The following PDZRN4 variants were observed in gnomAD, a reference collection of about 807,000 sequenced individuals.
PDZRN4 encodes PDZ domain containing ring finger 4, also known as PDZ domain-containing RING finger protein 4.
A neutral mutation model predicts 99.0 loss-of-function variants in PDZRN4; 70 were observed. The ratio of observed to expected loss-of-function variants is 0.71; its 90% CI spans 0.58 to 0.86. The LOEUF is 0.86. Among genes scored for constraint, PDZRN4 ranks in the 40% least tolerant of loss-of-function variants. The pLI is 0.00. For missense variants in PDZRN4, 1,474 were observed against 1,331.2 expected (o/e 1.11, Z -1.67); for synonymous variants, 551 against 501.6 (o/e 1.10, Z -1.32).
chr12:41,216,640 G>A (rs1207572463), intron 3 of PDZRN4, among the ~76,000 whole-genome samples: 2 of 151,876 alleles, frequency 1.3e-5, no homozygotes, highest in African/African-American at 4.8e-5. Context: ...TTTTTGAATT[G>A]GATTATTTTA....
At chr12:41,499,035 G>A (rs1054675403) in intron 3 of PDZRN4, among the ~76,000 whole-genome samples, 1 of 152,022 alleles carries the variant, frequency 6.6e-6, no homozygotes, top group African/African-American at 2.4e-5. Context: ...AAACGCATGA[G>A]CAGAGTTAAC....
chr12:41,221,664 C>T (rs1319922943), intron 3 of PDZRN4, among the ~76,000 whole-genome samples: 1 of 152,016 alleles, frequency 6.6e-6, no homozygotes, highest in African/African-American at 2.4e-5. Flanking sequence ...AAGCCAACTG[C>T]TTCTAGATCG....
intron 3 of PDZRN4, among the ~76,000 whole-genome samples, chr12:41,295,887 C>T (rs1048967885): frequency 2.0e-5 from 3 of 152,002 alleles, no homozygotes; most frequent in Non-Finnish European, 2.9e-5. Flanking sequence ...AATAAATCAG[C>T]AGTTTACAAA....
At chr12:41,471,469 T>C (rs981284841) in intron 3 of PDZRN4, among the ~76,000 whole-genome samples, 3 of 151,478 alleles carry the variant, frequency 2.0e-5, no homozygotes, top group Non-Finnish European at 4.4e-5. Context: ...GATGATTCTA[T>C]CTATTGGTTT....
intron 7 of PDZRN4, among the ~76,000 whole-genome samples, chr12:41,559,726 C>T (rs1333673775): frequency 2.6e-5 from 4 of 152,028 alleles, no homozygotes; most frequent in South Asian, 4.2e-4. Flanking sequence ...TAACTATGTC[C>T]CCACCCAAAT....
At chr12:41,528,733 A>T (rs780688896) in intron 5 of PDZRN4, among the ~76,000 whole-genome samples, 1 of 152,208 alleles carries the variant, frequency 6.6e-6, no homozygotes, top group Non-Finnish European at 1.5e-5. Flanking sequence ...CAGTTCTTTG[A>T]AACTACAGTT....
intron 3 of PDZRN4, among the ~76,000 whole-genome samples, chr12:41,340,532 G>A (rs924609615): frequency 6.6e-6 from 1 of 151,546 alleles, no homozygotes; most frequent in African/African-American, 2.4e-5. Flanking sequence ...AGCACAGCAG[G>A]GTTACTACAG....
chr12:41,365,753 CT>C (rs1951995391), intron 3 of PDZRN4, among the ~76,000 whole-genome samples: 1 of 152,046 alleles, frequency 6.6e-6, no homozygotes, highest in Non-Finnish European at 1.5e-5. Flanking sequence ...AAGGACTCAG[CT>C]CAGTTTAGGG....
chr12:41,506,435 A>G (rs750224937), intron 3 of PDZRN4, 21 bp from the exon 4 acceptor site: 2 of 1,585,008 alleles, frequency 1.3e-6, no homozygotes, highest in African/African-American at 1.3e-5. Context: ...TGAGATGAAC[A>G]ATGTCCTTAT....
chr12:41,335,562 A>T (rs1379059200), intron 3 of PDZRN4, among the ~76,000 whole-genome samples: 1 of 152,134 alleles, frequency 6.6e-6, no homozygotes, highest in African/African-American at 2.4e-5. Context: ...GGTATTGAAG[A>T]TATTAAGATA....
chr12:41,314,531 C>T (rs1254019150), intron 3 of PDZRN4, among the ~76,000 whole-genome samples: 2 of 152,150 alleles, frequency 1.3e-5, no homozygotes, highest in Non-Finnish European at 2.9e-5. Context: ...GGAGCCTTCA[C>T]CAAAGAGGCT....
intron 3 of PDZRN4, among the ~76,000 whole-genome samples, chr12:41,301,493 G>A (rs985596465): frequency 2.0e-5 from 3 of 151,842 alleles, no homozygotes; most frequent in Admixed American, 6.6e-5. Flanking sequence ...AAGACATAAG[G>A]ATATAATCCT....
chr12:41,553,674 CACAA>C, intron 6 of PDZRN4, among the ~76,000 whole-genome samples: 1 of 151,656 alleles, frequency 6.6e-6, no homozygotes, highest in African/African-American at 2.4e-5. Flanking sequence ...AGTGCAGTGA[CACAA>C]TGAGTGACAG....
At chr12:41,245,467 A>AAAATTAATTAGAAT (rs1423091898) in intron 3 of PDZRN4, among the ~76,000 whole-genome samples, 1 of 152,200 alleles carries the variant, frequency 6.6e-6, no homozygotes. Context: ...ATGATATGAC[A>AAAATTAATTAGAAT]ACCCCTCTAG....
chr12:41,247,750 A>G (rs1039026048), intron 3 of PDZRN4, among the ~76,000 whole-genome samples: 1 of 152,202 alleles, frequency 6.6e-6, no homozygotes, highest in African/African-American at 2.4e-5. Context: ...TATATTTCCA[A>G]AATATTTAAA....
intron 3 of PDZRN4, among the ~76,000 whole-genome samples, chr12:41,336,978 A>G (rs1469498330): frequency 6.6e-6 from 1 of 152,124 alleles, no homozygotes; most frequent in East Asian, 1.9e-4. Flanking sequence ...TCTTGGAGCC[A>G]GAGGCTGCAT....
At chr12:41,512,222 G>T (rs945318832) in intron 5 of PDZRN4, among the ~76,000 whole-genome samples, 3 of 152,080 alleles carry the variant, frequency 2.0e-5, no homozygotes, top group Non-Finnish European at 4.4e-5. Context: ...GTACCAGGCA[G>T]TTATCTATGC....
At chr12:41,221,967 A>G (rs1266769189) in intron 3 of PDZRN4, among the ~76,000 whole-genome samples, 1 of 152,200 alleles carries the variant, frequency 6.6e-6, no homozygotes, top group Non-Finnish European at 1.5e-5. Flanking sequence ...AGCCAAGGCC[A>G]TGGACAACAA....
intron 3 of PDZRN4, among the ~76,000 whole-genome samples, chr12:41,465,054 A>T (rs1285746783): frequency 2.0e-5 from 3 of 151,630 alleles, no homozygotes; most frequent in Non-Finnish European, 4.4e-5. Flanking sequence ...CAAACTCCTG[A>T]CCTCCAGTGA....
Sources: gnomAD v4.1 joint callset for allele counts (sites outside exome capture counted in the v4.1 genomes callset) on GRCh38, gnomAD v4.1.1 for gene constraint, MANE v1.5 for transcripts, NCBI Gene and HGNC (gene_info 2026-07-23, HGNC 2026-07-21) for gene names.